NEBL: variants seen among roughly 807,000 people sequenced by gnomAD.
The protein encoded by NEBL is LIM and SH3 protein 2.
In NEBL, 122 loss-of-function variants were observed where a neutral mutation model predicts 140.2. The observed-to-expected ratio is 0.87, with a 90% CI of 0.75 to 1.01. The LOEUF (loss-of-function observed/expected upper bound fraction) is 1.01. Ranked by LOEUF, NEBL falls within the 50% of genes least tolerant of loss-of-function variation. NEBL has a pLI of 0.00. For missense variants in NEBL, 1,365 were observed against 1,231.3 expected, an observed-to-expected ratio of 1.11 and a Z score of -1.62; for synonymous variants, 436 against 398.9, an observed-to-expected ratio of 1.09 and a Z score of -1.11.
In NEBL at chr10:20,787,199, T is replaced by A; in HGVS notation, c.2868+3A>T. 1 of 1,600,974 alleles carries A rather than the reference T, an allele frequency of 6.2e-7. No individual in the cohort carries two copies. The highest frequency in any genetic ancestry group is 8.6e-7 in the Non-Finnish European group (1 of 1,169,554). On this transcript the variant is annotated splice_donor_region_variant and intron_variant, in intron 27 of 27. Coordinates refer to ENST00000377122, the MANE Select transcript of NEBL (RefSeq NM_006393.3). ...AGGAGGAACGTATCAAATGGACACT[T>A]ACTAGATTTGGTGAATGCTGCATTG...
At chr10:21,001,806 T>A (rs146355224) in intron 3 of NEBL, among the ~76,000 whole-genome samples, 2 of 152,208 alleles carry the variant, frequency 1.3e-5, no homozygotes, top group African/African-American at 4.8e-5. Flanking sequence ...TTTTGTTTTC[T>A]AATGGAAAAT....
intron 2 of NEBL, among the ~76,000 whole-genome samples, chr10:21,074,074 C>CAA (rs376240154): frequency 8.3e-4 from 123 of 147,784 alleles, no homozygotes; most frequent in African/African-American, 2.9e-3. Context: ...GACTCCGTCT[C>CAA]AAAAAAAAAA....
Position 21,286,840 on chromosome 10 carries a change from G to GA in NEBL, n.182+5989dup, listed in dbSNP as rs1333179464. Among the ~76,000 whole-genome samples the GA allele has an allele frequency of 2.8e-3, 367 of 131,284 alleles. 1 individual carries two copies. The highest frequency in any genetic ancestry group is 4.1e-3 in the South Asian group (17 of 4,182). 86.1% of individuals were successfully genotyped at this position (131,284 alleles called of 152,430 possible). A position where few individuals can be genotyped will look rare whatever the true frequency, so the allele number is the denominator to read the frequency against. On this transcript the variant is annotated intron_variant and non_coding_transcript_variant, in intron 1 of 8. Coordinates refer to the NEBL transcript ENST00000675702. ...GGTGAAAGAGCAAGAATCCATCTCA[G>GA]AAAAAAAAAAAAAGCAGACTACAGC...
rs1011343442 is a variant in NEBL at position 21,172,397 on chromosome 10, C to T, written c.150G>A (p.Lys50=). Residue 50 remains lysine, a synonymous_variant, in exon 2 of 7, where the codon AAG becomes AAA. Transcript: ENST00000417816. ...ACAATACTTACGCATTACAATAGGGCTTCTTTTCATAGCCTTTGTAGTTGT... is the reference window on the plus strand; with the variant it reads ...ACAATACTTACGCATTACAATAGGGTTTCTTTTCATAGCCTTTGTAGTTGT... 5 of 1,612,860 alleles carry T rather than the reference C, an allele frequency of 3.1e-6. No homozygotes were observed. The East Asian group carries it at 8.9e-5, about 29-fold the overall frequency.
chr10:21,063,549 T>C (rs1460562966), intron 2 of NEBL, among the ~76,000 whole-genome samples: 1 of 152,070 alleles, frequency 6.6e-6, no homozygotes, highest in African/African-American at 2.4e-5. Flanking sequence ...AAATCAACAG[T>C]GGTTATATTT....
intron 2 of NEBL, among the ~76,000 whole-genome samples, chr10:21,102,300 T>A (rs928775744): frequency 6.6e-6 from 1 of 152,192 alleles, no homozygotes; most frequent in African/African-American, 2.4e-5. Flanking sequence ...ATAATGCATA[T>A]ATTTAGAGTG....
chr10:20,856,875 C>A (rs1843132232), intron 9 of NEBL, among the ~76,000 whole-genome samples: 2 of 151,978 alleles, frequency 1.3e-5, no homozygotes, highest in Admixed American at 6.6e-5. Flanking sequence ...CTCACTCTTG[C>A]CTAGGCTGGA....
At chr10:21,282,337 C>T (rs1035294864) in intron 1 of NEBL, among the ~76,000 whole-genome samples, 12 of 152,010 alleles carry the variant, frequency 7.9e-5, no homozygotes, top group African/African-American at 2.9e-4. Flanking sequence ...CAAGAGGCTC[C>T]GTAGGGAGCA....
At chr10:21,063,902 T>C (rs745397643) in intron 2 of NEBL, among the ~76,000 whole-genome samples, 4 of 150,272 alleles carry the variant, frequency 2.7e-5, no homozygotes, top group Non-Finnish European at 5.9e-5. Context: ...TAAATATAAA[T>C]ATAAATATAA....
At chr10:21,046,251 G>T (rs549460948) in intron 2 of NEBL, among the ~76,000 whole-genome samples, 141 of 152,326 alleles carry the variant, frequency 9.3e-4, no homozygotes, top group South Asian at 6.4e-3. Context: ...GGGAGATGTT[G>T]GTTGATGGGT....
At chr10:21,271,041 A>G (rs1842854523) in intron 1 of NEBL, among the ~76,000 whole-genome samples, 2 of 152,220 alleles carry the variant, frequency 1.3e-5, no homozygotes, top group Non-Finnish European at 2.9e-5. Flanking sequence ...AAAGGAATTT[A>G]TATCTCCACT....
intron 1 of NEBL, among the ~76,000 whole-genome samples, chr10:21,275,833 T>G (rs1253522863): frequency 1.6e-4 from 23 of 146,218 alleles, no homozygotes; most frequent in African/African-American, 5.6e-4. Flanking sequence ...TTTTTTTGTA[T>G]TTTTAGTAGA....
At position 21,171,102 on chromosome 10, in the gene NEBL, G is replaced by A. The variant is rs571345382; in HGVS notation, c.164+1281C>T. Among the ~76,000 whole-genome samples, 69 of 152,208 alleles carry A rather than the reference G, an allele frequency of 4.5e-4. No individual in the cohort carries two copies. In the South Asian group the frequency reaches 0.012, roughly 27 times the overall value. On this transcript the variant is annotated intron_variant, in intron 2 of 6. Transcript: ENST00000417816. The stretch of plus-strand genomic sequence containing the variant: ...GGTAATTCCAGCACCTTGGGAGGCC[G>A]AGCGGGGCAGATCACCTGAGGTCCA...
intron 4 of NEBL, among the ~76,000 whole-genome samples, chr10:20,938,907 G>T (rs931337195): frequency 3.3e-5 from 5 of 152,112 alleles, no homozygotes; most frequent in Non-Finnish European, 7.4e-5. Context: ...AAAAAGAAAT[G>T]AACAAAACCT....
At position 20,781,236 on chromosome 10, in the gene NEBL, C is replaced by T. The variant is rs373905214; in HGVS notation, c.*4511G>A. On this transcript the variant is annotated 3_prime_UTR_variant, in exon 28 of 28. Transcript: ENST00000377122. Reference sequence around the variant, plus strand: ...CCAAATTATATTAGTAACATTGTAACATTCCGTGAAGCCCCTTCATTTGCA... The same window carrying T: ...CCAAATTATATTAGTAACATTGTAATATTCCGTGAAGCCCCTTCATTTGCA... The T allele has an allele frequency of 5.4e-4, 82 of 152,704 alleles. No individual in the cohort carries two copies. Among genetic ancestry groups the T allele is most frequent in the African/African-American group, 2.0e-3 (82 of 41,554 alleles). 9.5% of individuals were successfully genotyped at this position (152,704 alleles called of 1,614,324 possible).
intron 2 of NEBL, among the ~76,000 whole-genome samples, chr10:21,033,935 G>T (rs553770456): frequency 1.3e-5 from 2 of 151,798 alleles, no homozygotes; most frequent in South Asian, 4.2e-4. Flanking sequence ...GGAGGCCGAG[G>T]CGGGTGGATT....
chr10:21,277,710 A>G (rs1027719146), intron 1 of NEBL, among the ~76,000 whole-genome samples: 3 of 152,214 alleles, frequency 2.0e-5, no homozygotes, highest in African/African-American at 7.2e-5. Context: ...TTTCAGTCCC[A>G]GGTAATGATT....
At chr10:21,291,749 C>A (rs1016326241) in intron 1 of NEBL, among the ~76,000 whole-genome samples, 2 of 151,606 alleles carry the variant, frequency 1.3e-5, no homozygotes, top group African/African-American at 4.9e-5. Context: ...CCTGTCTCTA[C>A]TAAAAATACA....
chr10:21,273,245 C>A (rs901485544), intron 1 of NEBL, among the ~76,000 whole-genome samples: 1 of 152,078 alleles, frequency 6.6e-6, no homozygotes, highest in African/African-American at 2.4e-5. Context: ...ACTATTTATA[C>A]CTTTGAGCAC....
Sources: allele counts gnomAD v4.1 joint callset (sites outside exome capture counted in the v4.1 genomes callset), GRCh38; gene constraint gnomAD v4.1.1; transcripts MANE v1.5; gene names NCBI Gene and HGNC (gene_info 2026-07-23, HGNC 2026-07-21).